Variants in SLC12A5 observed in about 807,000 individuals in gnomAD.
SLC12A5 encodes the protein solute carrier family 12 member 5.
A neutral mutation model predicts 124.0 loss-of-function variants in SLC12A5; 18 were observed. That is an observed-to-expected ratio of 0.15 (90% CI 0.10 to 0.22). SLC12A5 has a LOEUF of 0.22. SLC12A5 is among the 10% of genes least tolerant of loss of function. The pLI is 1.00. For missense variants in SLC12A5, 867 were observed against 1,478.7 expected (o/e 0.59, Z 6.78); for synonymous variants, 589 against 568.0 (o/e 1.04, Z -0.53).
At chr20:46,037,847 G>A (rs993187465) in intron 6 of SLC12A5, among the ~76,000 whole-genome samples, 1 of 152,168 alleles carries the variant, frequency 6.6e-6, no homozygotes, top group Non-Finnish European at 1.5e-5. Flanking sequence ...CAAGGGGCAT[G>A]GACTGTGCTA....
At chr20:46,023,199 C>T in intron 2 of SLC12A5, 1 of 397,904 alleles carries the variant, frequency 2.5e-6, no homozygotes, top group Non-Finnish European at 4.4e-6. Flanking sequence ...GCCCCAGTCC[C>T]GGGAACCGAA....
At chr20:46,026,285 C>G (rs1382537601), upstream of SLC12A5, among the ~76,000 whole-genome samples, 2 of 152,152 alleles carry the variant, frequency 1.3e-5, no homozygotes, top group African/African-American at 2.4e-5. Flanking sequence ...AAATAGGACC[C>G]TCCCTAGCCC....
intron 4 of SLC12A5, 166 bp from the exon 5 acceptor site, chr20:46,036,575 G>A: frequency 1.6e-6 from 1 of 608,296 alleles, no homozygotes; most frequent in Non-Finnish European, 2.9e-6. Context: ...GTTTTCTTGA[G>A]AAGAAGGACT....
rs1487517813 is a variant in SLC12A5, at chr20:46,058,418, A to C, written c.*813A>C. 2 of 398,810 alleles carry C rather than the reference A, an allele frequency of 5.0e-6. No homozygotes were observed. The highest frequency in any genetic ancestry group is 8.8e-6 in the Non-Finnish European group (2 of 226,108). The allele number at this position is 398,810 out of a possible 1,614,324, so 24.7% of individuals were successfully genotyped here. A position where few individuals can be genotyped will look rare whatever the true frequency, so the allele number is the denominator to read the frequency against. On this transcript the variant is annotated 3_prime_UTR_variant, in exon 26 of 26. Transcript: ENST00000243964. This position sits in a 1 kb window ranked among gnomAD's most constrained non-coding sequence, Gnocchi z 5.8. ...CAGTCCTTTTCCGAGATGAGGTGAG[A>C]CAAGGGTCCAACTTTTCCTGGATTC...
upstream of SLC12A5, among the ~76,000 whole-genome samples, chr20:46,027,498 T>A (rs6124764): frequency 0.19 from 29,593 of 152,068 alleles, 2,942 homozygotes; most frequent in South Asian, 0.34. Flanking sequence ...GGGATATGAA[T>A]GGCTCTTTAG....
rs780696197 is a variant in SLC12A5 at position 46,036,032 on chromosome 20, C to T, written c.426+109C>T. The T allele has an allele frequency of 2.5e-4, 337 of 1,328,300 alleles. 1 individual carries two copies. Among genetic ancestry groups the T allele is most frequent in the South Asian group, 6.6e-4 (43 of 65,378 alleles). The allele number at this position is 1,328,300 out of a possible 1,614,324, so 82.3% of individuals were successfully genotyped here. A position where few individuals can be genotyped will look rare whatever the true frequency, so the allele number is the denominator to read the frequency against. On this transcript the variant is annotated intron_variant, in intron 4 of 25. Transcript: ENST00000243964. ...ATGAGACCTGAGCTTTTTATAGGAA[C>T]CACTGCTTATGATCTTTGAGAGTAA...
intron 6 of SLC12A5, among the ~76,000 whole-genome samples, chr20:46,037,958 G>A (rs2084512936): frequency 6.6e-6 from 1 of 152,148 alleles, no homozygotes; most frequent in Non-Finnish European, 1.5e-5. Context: ...TGGGAATAGT[G>A]ACTGATGGAG....
At chr20:46,048,598 G>A (rs571893935) in intron 16 of SLC12A5, among the ~76,000 whole-genome samples, 186 of 152,228 alleles carry the variant, frequency 1.2e-3, no homozygotes, top group Middle Eastern at 6.8e-3. Flanking sequence ...GATGCCGAGC[G>A]CGGTGGCTCA....
chr20:46,037,170 T>C, intron 5 of SLC12A5, 85 bp from the exon 6 acceptor site: 1 of 1,501,784 alleles, frequency 6.7e-7, no homozygotes. Flanking sequence ...GCAACCCCCT[T>C]CTGCCTCTGT....
In SLC12A5 at chr20:46,057,854, C is replaced by T. The variant is rs1027700020; in HGVS notation, c.*249C>T. On this transcript the variant is annotated 3_prime_UTR_variant, in exon 26 of 26. Transcript: ENST00000243964. This position sits in a 1 kb window ranked among gnomAD's most constrained non-coding sequence, Gnocchi z 7.1. Reference sequence around the variant, plus strand: ...GTCTTCGCTGCCCTTTTTCTAAGCCCGGCCTCGTCTCGCCGGAGGAGACGC... The same window carrying T: ...GTCTTCGCTGCCCTTTTTCTAAGCCTGGCCTCGTCTCGCCGGAGGAGACGC... The T allele has an allele frequency of 6.7e-5, 30 of 450,266 alleles. No individual in the cohort carries two copies. Among genetic ancestry groups the T allele is most frequent in the Middle Eastern group, 1.1e-3 (2 of 1,780 alleles). The allele number at this position is 450,266 out of a possible 1,614,324, so 27.9% of individuals were successfully genotyped here.
chr20:46,049,919 CT>C (rs1325134368), intron 17 of SLC12A5, 129 bp downstream of exon 17: 4 of 1,211,322 alleles, frequency 3.3e-6, no homozygotes, highest in Non-Finnish European at 4.5e-6. Context: ...TTTTCTTTTC[CT>C]TAGAGGAAGA....
At chr20:46,034,401 G>A (rs2084479145) in intron 1 of SLC12A5, among the ~76,000 whole-genome samples, 1 of 152,160 alleles carries the variant, frequency 6.6e-6, no homozygotes, top group African/African-American at 2.4e-5. Flanking sequence ...CTGCACTTGG[G>A]TTGCTTTCCT....
intron 20 of SLC12A5, among the ~76,000 whole-genome samples, chr20:46,054,375 C>T (rs1271305777): frequency 6.6e-6 from 1 of 152,176 alleles, no homozygotes; most frequent in Non-Finnish European, 1.5e-5. Flanking sequence ...CCCAATAACA[C>T]AGAGTACCTG....
Position 46,056,346 on chromosome 20 carries a change from C to T in SLC12A5, c.2911-19C>T, listed in dbSNP as rs202150692. 4.6e-5 allele frequency: 74 copies of T among 1,608,018 alleles called. 1 individual carries two copies. Among genetic ancestry groups the T allele is most frequent in the East Asian group, 4.5e-4 (20 of 44,810 alleles). ...GGCCTCCAAAGGACTCAACTGCCAT[C>T]GCTTCATTCATCCCTCAGGTGCAGC... On this transcript the variant is annotated intron_variant, in intron 22 of 25. Transcript: ENST00000243964. This position sits in a 1 kb window ranked among gnomAD's most constrained non-coding sequence, Gnocchi z 4.3.
At chr20:46,039,520 A>G (rs566089369) in intron 6 of SLC12A5, among the ~76,000 whole-genome samples, 1 of 152,328 alleles carries the variant, frequency 6.6e-6, no homozygotes, top group African/African-American at 2.4e-5. Context: ...CATGCCTGTA[A>G]TCCCAGAACT....
rs764677515 is a variant in SLC12A5 at position 46,037,400 on chromosome 20, G to A, written c.612+15G>A. On this transcript the variant is annotated intron_variant, in intron 6 of 25. Transcript: ENST00000243964. Reference sequence around the variant, plus strand: ...AAATCCTGCTGGTAAGAGAGGCTGAGGAGGAGGTGTGGAACCCCAGGTTGT... The same window carrying A: ...AAATCCTGCTGGTAAGAGAGGCTGAAGAGGAGGTGTGGAACCCCAGGTTGT... 12 of 1,601,050 alleles carry A rather than the reference G, an allele frequency of 7.5e-6. No homozygotes were observed. The highest frequency in any genetic ancestry group is 6.8e-5 in the Admixed American group (4 of 58,684).
chr20:46,026,041 G>A (rs978888467), upstream of SLC12A5, among the ~76,000 whole-genome samples: 2 of 152,192 alleles, frequency 1.3e-5, no homozygotes, highest in Admixed American at 1.3e-4. Flanking sequence ...TCCCGGACAG[G>A]AGGTCAAGGG....
At chr20:46,023,512 C>G in exon 3 of SLC12A5, 1 of 399,020 alleles carries the variant, frequency 2.5e-6, no homozygotes, top group Non-Finnish European at 4.4e-6. Flanking sequence ...GCCTCCCTGC[C>G]TCCAGTCCTT....
intron 15 of SLC12A5, 25 bp downstream of exon 15, chr20:46,047,598 G>T: frequency 6.2e-7 from 1 of 1,608,716 alleles, no homozygotes; most frequent in Non-Finnish European, 8.5e-7. Context: ...TGGAGGTTGG[G>T]GTGGCTGGGG....
Sources: allele counts gnomAD v4.1 joint callset (sites outside exome capture counted in the v4.1 genomes callset), GRCh38; gene constraint gnomAD v4.1.1; non-coding constraint Gnocchi (gnomAD v3.1); transcripts MANE v1.5; gene names NCBI Gene and HGNC (gene_info 2026-07-23, HGNC 2026-07-21).